Variants in DGKB observed in about 807,000 individuals in gnomAD.
DGKB encodes the protein 90 kDa diacylglycerol kinase.
DGKB carries 67 observed loss-of-function variants against 114.3 expected under a neutral mutation model. That is an observed-to-expected ratio of 0.59 (90% CI 0.48 to 0.72). DGKB has a LOEUF of 0.72. Ranked by LOEUF, DGKB falls within the 30% of genes least tolerant of loss-of-function variation. The pLI, the probability that DGKB is intolerant of heterozygous loss-of-function variation, is 0.00. For synonymous variants in DGKB, 398 were observed against 323.1 expected (o/e 1.23, Z -2.49); for missense variants, 907 against 975.2 (o/e 0.93, Z 0.93).
chr7:14,371,778 G>C (rs1563042979), intron 21 of DGKB, among the ~76,000 whole-genome samples: 1 of 152,054 alleles, frequency 6.6e-6, no homozygotes, highest in Non-Finnish European at 1.5e-5. Context: ...TTTCCTTCTA[G>C]GATTCTTATA....
At chr7:14,378,079 T>C (rs1818791719) in intron 21 of DGKB, among the ~76,000 whole-genome samples, 1 of 152,168 alleles carries the variant, frequency 6.6e-6, no homozygotes, top group Non-Finnish European at 1.5e-5. Context: ...ATTCTTGAAA[T>C]AGATTAGACT....
intron 20 of DGKB, among the ~76,000 whole-genome samples, chr7:14,555,254 T>C (rs1389281419): frequency 6.6e-6 from 1 of 152,202 alleles, no homozygotes; most frequent in Non-Finnish European, 1.5e-5. Context: ...TAACAAATAT[T>C]AAATATTCTG....
At chr7:14,224,299 GTT>G (rs1177196520) in intron 23 of DGKB, among the ~76,000 whole-genome samples, 2 of 151,836 alleles carry the variant, frequency 1.3e-5, no homozygotes, top group African/African-American at 4.8e-5. Context: ...TTTCACTTCA[GTT>G]ATTTTTCAAC....
At chr7:14,827,859 G>C (rs953390057) in intron 2 of DGKB, among the ~76,000 whole-genome samples, 1 of 151,968 alleles carries the variant, frequency 6.6e-6, no homozygotes, top group African/African-American at 2.4e-5. Context: ...TCAGGCTATT[G>C]AGAAAGTTAT....
At chr7:14,906,001 G>C (rs576475783), upstream of DGKB, among the ~76,000 whole-genome samples, 82 of 152,080 alleles carry the variant, frequency 5.4e-4, no homozygotes, top group South Asian at 2.1e-3. Flanking sequence ...TCACTCACAG[G>C]CTCCACAGAA....
At chr7:14,823,838 A>T (rs1014066902) in intron 2 of DGKB, among the ~76,000 whole-genome samples, 5 of 152,156 alleles carry the variant, frequency 3.3e-5, no homozygotes, top group Non-Finnish European at 4.4e-5. Context: ...CTACTAATCT[A>T]TATTAACATG....
At chr7:14,704,461 A>AAAAG (rs1825812875) in intron 6 of DGKB, among the ~76,000 whole-genome samples, 1 of 149,994 alleles carries the variant, frequency 6.7e-6, no homozygotes, top group African/African-American at 2.5e-5. Flanking sequence ...AAAAAAAAAA[A>AAAAG]AAAGAAAAAA....
chr7:14,280,225 G>A (rs965896789), intron 23 of DGKB, among the ~76,000 whole-genome samples: 3 of 152,096 alleles, frequency 2.0e-5, no homozygotes, highest in Non-Finnish European at 4.4e-5. Flanking sequence ...AGAAGCCTCA[G>A]GAGCTGATGC....
chr7:14,752,226 T>G (rs181986005), intron 4 of DGKB, among the ~76,000 whole-genome samples: 65 of 152,270 alleles, frequency 4.3e-4, no homozygotes, highest in African/African-American at 1.5e-3. Flanking sequence ...GGTTTTTATA[T>G]CATTGTTAAT....
At chr7:14,457,794 C>T (rs1435189074) in intron 21 of DGKB, among the ~76,000 whole-genome samples, 1 of 152,178 alleles carries the variant, frequency 6.6e-6, no homozygotes, top group Non-Finnish European at 1.5e-5. Context: ...TTACAACAGA[C>T]TCTCAAGTAT....
intron 21 of DGKB, among the ~76,000 whole-genome samples, chr7:14,395,766 T>A (rs558974517): frequency 1.3e-5 from 2 of 152,006 alleles, no homozygotes; most frequent in Non-Finnish European, 2.9e-5. Context: ...GAAATTAAGA[T>A]ATACATTATT....
chr7:14,181,157 T>G (rs1562551618), intron 23 of DGKB, among the ~76,000 whole-genome samples: 1 of 152,210 alleles, frequency 6.6e-6, no homozygotes, highest in Non-Finnish European at 1.5e-5. Flanking sequence ...CATTCACTGG[T>G]TTAGGTCTTG....
intron 23 of DGKB, among the ~76,000 whole-genome samples, chr7:14,236,384 T>C (rs1363003626): frequency 2.6e-5 from 4 of 151,356 alleles, no homozygotes; most frequent in Non-Finnish European, 4.4e-5. Flanking sequence ...AAAGGAAAAT[T>C]AATAGCAAAG....
At chr7:14,781,365 T>A (rs561421536) in intron 2 of DGKB, among the ~76,000 whole-genome samples, 1 of 152,334 alleles carries the variant, frequency 6.6e-6, no homozygotes, top group South Asian at 2.1e-4. Context: ...TAGTATTCTT[T>A]ACACCAGCTG....
intron 21 of DGKB, among the ~76,000 whole-genome samples, chr7:14,387,749 T>C (rs1820646804): frequency 6.6e-6 from 1 of 152,124 alleles, no homozygotes; most frequent in South Asian, 2.1e-4. Context: ...ACTTAAATGA[T>C]GGGTCATCAG....
chr7:14,150,412 C>T (rs1782020437), intron 25 of DGKB, among the ~76,000 whole-genome samples: 1 of 152,022 alleles, frequency 6.6e-6, no homozygotes, highest in Non-Finnish European at 1.5e-5. Context: ...ATGTACATCA[C>T]GTGGACAGGA....
At chr7:14,637,633 CAT>C (rs761198519) in intron 13 of DGKB, among the ~76,000 whole-genome samples, 7 of 149,774 alleles carry the variant, frequency 4.7e-5, no homozygotes, top group African/African-American at 1.7e-4. Flanking sequence ...CACATATATA[CAT>C]ATATATATAT....
At chr7:14,234,674 T>C (rs1412775002) in intron 23 of DGKB, among the ~76,000 whole-genome samples, 3 of 152,094 alleles carry the variant, frequency 2.0e-5, no homozygotes, top group African/African-American at 7.2e-5. Flanking sequence ...TACTAACCTT[T>C]ATGCCCTCAG....
At chr7:14,331,891 C>T (rs944463538) in intron 23 of DGKB, among the ~76,000 whole-genome samples, 4 of 152,120 alleles carry the variant, frequency 2.6e-5, no homozygotes, top group African/African-American at 9.7e-5. Context: ...TACTCCTTGA[C>T]AGCCAATCAG....
Sources: allele counts gnomAD v4.1 joint callset (sites outside exome capture counted in the v4.1 genomes callset), GRCh38; gene constraint gnomAD v4.1.1; transcripts MANE v1.5; gene names NCBI Gene and HGNC (gene_info 2026-07-23, HGNC 2026-07-21).